TNS1: variants seen among roughly 807,000 people sequenced by gnomAD.
TNS1 encodes the protein tensin-1.
Under a neutral mutation model 168.6 loss-of-function variants are expected in TNS1, and 62 were observed. The observed-to-expected ratio is 0.37, with a 90% confidence interval of 0.30 to 0.45. The LOEUF is 0.45. Among genes scored for constraint, TNS1 ranks in the 20% least tolerant of loss-of-function variants. The probability of loss-of-function intolerance (pLI) is 1.00; values close to 1 mark genes in which losing one functional copy is unlikely to be tolerated. For synonymous variants in TNS1, 934 were observed against 933.2 expected (o/e 1.00, Z -0.02); for missense variants, 2,240 against 2,339.4 (o/e 0.96, Z 0.88).
intron 3 of TNS1, among the ~76,000 whole-genome samples, chr2:217,967,241 A>G (rs2126018942): frequency 6.6e-6 from 1 of 152,304 alleles, no homozygotes; most frequent in East Asian, 1.9e-4. Flanking sequence ...GAATGGCATG[A>G]ACCCAGGAGG....
intron 1 of TNS1, among the ~76,000 whole-genome samples, chr2:218,024,676 C>T (rs186540762): frequency 1.3e-5 from 2 of 152,288 alleles, no homozygotes; most frequent in East Asian, 1.9e-4. Context: ...CCCCAGAGGA[C>T]ACCCAAGGTT....
upstream of TNS1, among the ~76,000 whole-genome samples, chr2:218,006,199 G>C (rs949717271): frequency 6.6e-6 from 1 of 152,254 alleles, no homozygotes; most frequent in Non-Finnish European, 1.5e-5. Flanking sequence ...GCTGGCCCTG[G>C]GGCTGGAGGA....
At chr2:217,991,904 G>A (rs1958375967) in intron 1 of TNS1, among the ~76,000 whole-genome samples, 1 of 152,050 alleles carries the variant, frequency 6.6e-6, no homozygotes, top group African/African-American at 2.4e-5. Context: ...CCTCATGCAT[G>A]AGAGGCAGGC....
At chr2:217,996,800 T>C (rs1286125181) in intron 1 of TNS1, among the ~76,000 whole-genome samples, 4 of 152,084 alleles carry the variant, frequency 2.6e-5, no homozygotes, top group Non-Finnish European at 4.4e-5. Context: ...GGATCACAAC[T>C]ACAGCTCTGT....
At chr2:217,893,898 C>G (rs1404723417) in intron 9 of TNS1, among the ~76,000 whole-genome samples, 1 of 152,186 alleles carries the variant, frequency 6.6e-6, no homozygotes, top group East Asian at 1.9e-4. Context: ...GCTGATGACC[C>G]CAAGGTCCCT....
chr2:217,954,308 C>G (rs1461565192), intron 3 of TNS1, among the ~76,000 whole-genome samples: 1 of 152,158 alleles, frequency 6.6e-6, no homozygotes, highest in Non-Finnish European at 1.5e-5. Context: ...CTGCGGTCCC[C>G]CATCCTGTGT....
chr2:218,010,061 G>A (rs1168320407), intron 1 of TNS1: 1 of 394,274 alleles, frequency 2.5e-6, no homozygotes, highest in Admixed American at 4.4e-5. Context: ...GGGGGCGGGG[G>A]GGGGTCGGAA....
intron 1 of TNS1, among the ~76,000 whole-genome samples, chr2:218,030,379 C>T (rs573814212): frequency 1.3e-5 from 2 of 152,192 alleles, no homozygotes; most frequent in South Asian, 4.1e-4. Flanking sequence ...CCCATCACAT[C>T]CTGAACTTAG....
At position 217,800,619 on chromosome 2, in the gene TNS1, T is replaced by G. The variant is rs1192314460; in HGVS notation, c.*3840A>C. On this transcript the variant is annotated 3_prime_UTR_variant, in exon 33 of 33. Coordinates refer to ENST00000682258, the MANE Select transcript of TNS1 (RefSeq NM_001387777.1). ...GCCAAGGAAACGCGAGTCTCAGGAT[T>G]CCAGGGCCTGGACCTGGGGTAAAGG... 6.6e-6 allele frequency: 1 copy of G among 152,220 alleles called. No homozygotes were observed. The highest frequency in any genetic ancestry group is 1.9e-4 in the East Asian group (1 of 5,180). The allele number at this position is 152,220 out of a possible 1,614,324, so 9.4% of individuals were successfully genotyped here.
At chr2:217,926,513 G>A (rs573083750) in intron 3 of TNS1, among the ~76,000 whole-genome samples, 1 of 152,236 alleles carries the variant, frequency 6.6e-6, no homozygotes, top group East Asian at 1.9e-4. Flanking sequence ...AAGGAAACTG[G>A]GGTTTGTAGA....
chr2:217,873,361 G>T (rs1219024674), intron 18 of TNS1, among the ~76,000 whole-genome samples: 1 of 151,502 alleles, frequency 6.6e-6, no homozygotes. Context: ...TTGGTGGCAG[G>T]TCCCACCTTT....
chr2:217,877,865 T>C (rs1950326321), intron 18 of TNS1, among the ~76,000 whole-genome samples: 1 of 152,214 alleles, frequency 6.6e-6, no homozygotes, highest in East Asian at 1.9e-4. Context: ...AGAGATGACA[T>C]CTGCTGCTGA....
chr2:217,874,100 C>CA (rs1168651787), intron 18 of TNS1, among the ~76,000 whole-genome samples: 1 of 148,976 alleles, frequency 6.7e-6, no homozygotes, highest in Non-Finnish European at 1.5e-5. Flanking sequence ...GCAAGTTCAC[C>CA]AGCACTGGGC....
intron 20 of TNS1, 23 bp from the exon 21 acceptor site, chr2:217,835,189 A>C (rs991404094): frequency 6.3e-7 from 1 of 1,598,304 alleles, no homozygotes; most frequent in Non-Finnish European, 8.5e-7. Flanking sequence ...ACAGGGGAGA[A>C]AAAGAGGGAA....
chr2:217,919,845 A>T (rs1955534188), intron 4 of TNS1, among the ~76,000 whole-genome samples: 1 of 152,202 alleles, frequency 6.6e-6, no homozygotes, highest in Non-Finnish European at 1.5e-5. Context: ...AGGGTGCCTG[A>T]CCCGGGACCA....
chr2:217,987,505 A>T (rs1958228268), intron 2 of TNS1, among the ~76,000 whole-genome samples: 1 of 152,120 alleles, frequency 6.6e-6, no homozygotes, highest in South Asian at 2.1e-4. Flanking sequence ...TGCAAGAGGG[A>T]GGAAAACGGA....
chr2:217,885,738 A>T lies in TNS1; in HGVS notation c.1116+6T>A, dbSNP rs1267617970. 2 of 1,613,068 alleles carry T rather than the reference A, an allele frequency of 1.2e-6. No individual in the cohort carries two copies. The highest frequency in any genetic ancestry group is 2.2e-5 in the South Asian group (2 of 91,052). On this transcript the variant is annotated splice_donor_region_variant and intron_variant, in intron 15 of 32. Transcript: ENST00000682258. ...GATGGGGCTTGACACAGAGGACAGCACTCACCAAGATGTCTCCCTTCAAGA... is the reference window on the plus strand; with the variant it reads ...GATGGGGCTTGACACAGAGGACAGCTCTCACCAAGATGTCTCCCTTCAAGA...
At chr2:217,936,859 C>T in intron 3 of TNS1, 1 of 444,464 alleles carries the variant, frequency 2.2e-6, no homozygotes, top group South Asian at 1.6e-5. Flanking sequence ...CATTTCATAC[C>T]CACGCTAGCA....
In TNS1 at chr2:217,980,504, CACAGAGAGAGAGAG is replaced by C. The variant is rs1183085270; in HGVS notation, c.149-1716_149-1703del. ...TGCCTCTCTCTCTCTCCTACACACACACAGAGAGAGAGAGAGAGAGAGAGAGAGAGAGAGAGAGA... is the reference window on the plus strand; with the variant it reads ...TGCCTCTCTCTCTCTCCTACACACACAGAGAGAGAGAGAGAGAGAGAGAGA... On this transcript the variant is annotated intron_variant, in intron 2 of 32. Coordinates refer to ENST00000682258, the MANE Select transcript of TNS1 (RefSeq NM_001387777.1). 2.3e-3 allele frequency among the ~76,000 whole-genome samples: 299 copies of C among 131,338 alleles called. 1 individual carries two copies. The highest frequency in any genetic ancestry group is 7.6e-3 in the African/African-American group (270 of 35,446). 86.2% of individuals were successfully genotyped at this position (131,338 alleles called of 152,430 possible).
Sources: allele counts gnomAD v4.1 joint callset (sites outside exome capture counted in the v4.1 genomes callset), GRCh38; gene constraint gnomAD v4.1.1; transcripts MANE v1.5; gene names NCBI Gene and HGNC (gene_info 2026-07-23, HGNC 2026-07-21).